Variants in AXIN2 observed in about 807,000 individuals in gnomAD.
AXIN2 encodes axin 2.
A neutral mutation model predicts 74.7 loss-of-function variants in AXIN2; 21 were observed. The observed-to-expected ratio is 0.28, with a 90% CI of 0.20 to 0.40. The LOEUF is 0.40. Among genes scored for constraint, AXIN2 ranks in the 10% least tolerant of loss-of-function variants. The pLI, the probability that AXIN2 is intolerant of heterozygous loss-of-function variation, is 1.00. For missense variants in AXIN2, 1,144 were observed against 1,111.1 expected, an observed-to-expected ratio of 1.03 and a Z score of -0.42; for synonymous variants, 532 against 454.9, an observed-to-expected ratio of 1.17 and a Z score of -2.16.
intron 2 of AXIN2, among the ~76,000 whole-genome samples, chr17:65,553,031 AAAAAACAAAAAC>A (rs148009687): frequency 3.3e-5 from 5 of 152,182 alleles, no homozygotes; most frequent in African/African-American, 1.2e-4. Context: ...TCCATCTCAA[AAAAAACAAAAAC>A]AAAAACAAAA....
rs1248662266 is a variant in AXIN2, at chr17:65,557,762, C to T, written c.815+44G>A. ...CCATCCACCATACTTAAAACATCTG[C>T]AAAGTCCACAGCATCAGCCCACCCG... On this transcript the variant is annotated intron_variant, in intron 2 of 10. Coordinates refer to ENST00000307078, the MANE Select transcript of AXIN2 (RefSeq NM_004655.4). 6.9e-6 allele frequency: 11 copies of T among 1,594,926 alleles called. No individual in the cohort carries two copies. In the Admixed American group the frequency reaches 1.3e-4, roughly 19 times the overall value.
chr17:65,558,660 T>C lies in AXIN2; in HGVS notation c.-40A>G, dbSNP rs1555583839. ...TCCCACTGAGTCTGGGAATTTTTCT[T>C]CTTCCAGTTCCTCTCAGCAATCGGC... On this transcript the variant is annotated 5_prime_UTR_variant, in exon 2 of 11. Coordinates refer to ENST00000307078, the MANE Select transcript of AXIN2 (RefSeq NM_004655.4). The C allele has an allele frequency of 1.3e-6, 2 of 1,582,066 alleles. No individual in the cohort carries two copies. The highest frequency in any genetic ancestry group is 8.6e-7 in the Non-Finnish European group (1 of 1,169,170).
At position 65,558,089 on chromosome 17, in the gene AXIN2, T is replaced by C; in HGVS notation, c.532A>G (p.Ile178Val). Residue 178 changes from isoleucine to valine, a missense_variant, in exon 2 of 11, where the codon ATC becomes GTC. By Grantham distance (29) the Ile-to-Val change is conservative. Coordinates refer to ENST00000307078, the MANE Select transcript of AXIN2 (RefSeq NM_004655.4). ...GCATTTTCCTCCATCACCGACTGGATCTCGGTCTGCGCCTGGTCAAACATG... is the reference window on the plus strand; with the variant it reads ...GCATTTTCCTCCATCACCGACTGGACCTCGGTCTGCGCCTGGTCAAACATG... ...SIMFDQAQTE[I>V]QSVMEENAYQ... 3 of 1,614,146 alleles carry C rather than the reference T, an allele frequency of 1.9e-6. No homozygotes were observed. The highest frequency in any genetic ancestry group is 1.1e-5 in the South Asian group (1 of 91,064).
At chr17:65,539,292 G>C (rs1181552897) in intron 4 of AXIN2, among the ~76,000 whole-genome samples, 1 of 152,032 alleles carries the variant, frequency 6.6e-6, no homozygotes, top group Admixed American at 6.6e-5. Flanking sequence ...ACTTGCAAAG[G>C]CTAGCATCTC....
chr17:65,541,396 T>C (rs900355539), intron 4 of AXIN2, 59 bp downstream of exon 4: 1 of 1,479,080 alleles, frequency 6.8e-7, no homozygotes. Context: ...ACCCATTTCT[T>C]TTCTTTAGGA....
In AXIN2 at chr17:65,557,902, T is replaced by C. The variant is rs746819327; in HGVS notation, c.719A>G (p.Lys240Arg). The C allele has an allele frequency of 2.8e-5, 45 of 1,614,122 alleles. No homozygotes were observed. The highest frequency in any genetic ancestry group is 1.1e-5 in the Non-Finnish European group (13 of 1,180,044). ...AACCACGGTTGGCGAAAGTTTGCAC[T>C]TGAAGTCGGCACAAGTCCACTCCTC... is the stretch of plus-strand genomic sequence containing the variant. ...EEEEWTCADFKCKLSPTVVGL... is the reference protein window; with the variant it reads ...EEEEWTCADFRCKLSPTVVGL... Residue 240 changes from lysine (K) to arginine (R), a missense_variant, in exon 2 of 11, where the codon AAG (lysine) becomes AGG (arginine). Around this residue, in one of 4 missense-constraint regions of AXIN2, gnomAD observed 1,053 missense variants for 973.5 expected, o/e 1.08. Coordinates refer to ENST00000307078, the MANE Select transcript of AXIN2 (RefSeq NM_004655.4).
Position 65,561,491 on chromosome 17 carries a change from C to A in AXIN2, c.-158G>T, listed in dbSNP as rs1362134149. ...TTCGGCGGGCGCCTCGGCCGCCGGG[C>A]GGCCCCGAAATCCATCGCTCTGAGG... On this transcript the variant is annotated 5_prime_UTR_variant, in exon 1 of 11. Transcript: ENST00000307078. The A allele has an allele frequency of 2.0e-5, 3 of 150,256 alleles. No individual in the cohort carries two copies. In the East Asian group the frequency reaches 5.8e-4, roughly 29 times the overall value. 9.3% of individuals were successfully genotyped at this position (150,256 alleles called of 1,614,324 possible). A position where few individuals can be genotyped will look rare whatever the true frequency, so the allele number is the denominator to read the frequency against.
intron 10 of AXIN2, among the ~76,000 whole-genome samples, chr17:65,531,975 G>A (rs2043827929): frequency 6.6e-6 from 1 of 150,814 alleles, no homozygotes; most frequent in Non-Finnish European, 1.5e-5. Context: ...TTGAGATGTT[G>A]AAGCACCAGC....
chr17:65,532,998 G>A (rs573976581), intron 10 of AXIN2, among the ~76,000 whole-genome samples: 1 of 152,336 alleles, frequency 6.6e-6, no homozygotes, highest in East Asian at 1.9e-4. Context: ...TGGGCTGCAG[G>A]CCATGGAGAG....
chr17:65,537,499 G>A lies in AXIN2; in HGVS notation c.1537C>T (p.His513Tyr), dbSNP rs1598098865. ...TGGTGGATGTAGTGGTGGTGGACAT[G>A]CTTCGTCGTCTGCTTGGTCACAAAG... Reference protein sequence around the residue: ...KGFVTKQTTKHVHHHYIHHHA... With the variant: ...KGFVTKQTTKYVHHHYIHHHA... Residue 513 changes from histidine to tyrosine, a missense_variant, in exon 6 of 11, where the codon CAT becomes TAT. By Grantham distance (83) the His-to-Tyr change is moderately conservative. Transcript: ENST00000307078. 6.2e-7 allele frequency: 1 copy of A among 1,613,880 alleles called. No individual in the cohort carries two copies. The highest frequency in any genetic ancestry group is 2.2e-5 in the East Asian group (1 of 44,718).
rs915165713 is a variant in AXIN2, at chr17:65,539,566, T to C, written c.1060-1223A>G. Among the ~76,000 whole-genome samples, 5 of 152,244 alleles carry C rather than the reference T, an allele frequency of 3.3e-5. No individual in the cohort carries two copies. In the East Asian group the frequency reaches 9.6e-4, roughly 29 times the overall value. ...ACAATGATAGTATGTCATCAATACT[T>C]GTTATCTGTAGAGGGAGGGGATGCT... On this transcript the variant is annotated intron_variant, in intron 4 of 10. Transcript: ENST00000307078.
In AXIN2 at chr17:65,541,510, C is replaced by T. The variant is rs1060502134; in HGVS notation, c.1004G>A (p.Arg335Lys). 1 of 1,614,078 alleles carries T rather than the reference C, an allele frequency of 6.2e-7. No individual in the cohort carries two copies. Among genetic ancestry groups the T allele is most frequent in the African/African-American group, 1.3e-5 (1 of 74,922 alleles). ...YRVGSKKQLQ[R>K]EMHRSVKANG... Reference sequence around the variant, plus strand: ...GGCCTTCACACTGCGATGCATTTCTCTCTGGAGCTGTTTCTTACTGCCCAC... The same window carrying T: ...GGCCTTCACACTGCGATGCATTTCTTTCTGGAGCTGTTTCTTACTGCCCAC... Residue 335 changes from arginine to lysine, a missense_variant, in exon 4 of 11, where the codon AGA becomes AAA. Physicochemically the swap from Arg to Lys is conservative, Grantham distance 26. Around this residue, in one of 4 missense-constraint regions of AXIN2, gnomAD observed 1,053 missense variants for 973.5 expected, o/e 1.08. Transcript: ENST00000307078.
intron 2 of AXIN2, among the ~76,000 whole-genome samples, chr17:65,550,206 G>C (rs1226720551): frequency 6.6e-6 from 1 of 152,192 alleles, no homozygotes; most frequent in African/African-American, 2.4e-5. Flanking sequence ...CCCACAGTGA[G>C]CTGGACAGAC....
At chr17:65,548,404 A>G (rs2044145632) in intron 3 of AXIN2, among the ~76,000 whole-genome samples, 1 of 152,232 alleles carries the variant, frequency 6.6e-6, no homozygotes, top group South Asian at 2.1e-4. Context: ...AAACTGGAAT[A>G]ATAGATGGTC....
At chr17:65,532,526 C>T (rs2043839901) in intron 10 of AXIN2, among the ~76,000 whole-genome samples, 1 of 152,200 alleles carries the variant, frequency 6.6e-6, no homozygotes, top group South Asian at 2.1e-4. Context: ...AGCAACACGC[C>T]CTGCTGGCCA....
chr17:65,537,124 G>A (rs1427617571), intron 6 of AXIN2, 61 bp from the exon 7 acceptor site: 1 of 1,573,818 alleles, frequency 6.4e-7, no homozygotes, highest in Non-Finnish European at 8.6e-7. Flanking sequence ...GGGACTCCTA[G>A]AATCAGACAA....
chr17:65,546,748 C>A (rs1048662613), intron 3 of AXIN2, among the ~76,000 whole-genome samples: 3 of 152,196 alleles, frequency 2.0e-5, no homozygotes, highest in Non-Finnish European at 2.9e-5. Flanking sequence ...ACCACCAGGA[C>A]GAACAGAGCC....
chr17:65,561,115 G>A (rs1164402080), intron 1 of AXIN2: 1 of 149,894 alleles, frequency 6.7e-6, no homozygotes, highest in South Asian at 2.1e-4. Flanking sequence ...TTCAACGCAG[G>A]TCCTGTTTCC....
At chr17:65,557,233 A>G (rs2144579140) in intron 2 of AXIN2, among the ~76,000 whole-genome samples, 1 of 152,314 alleles carries the variant, frequency 6.6e-6, no homozygotes, top group Admixed American at 6.5e-5. Context: ...TTCCCTAGTT[A>G]GAGGCCTTTC....
Sources: gnomAD v4.1 joint callset for allele counts (sites outside exome capture counted in the v4.1 genomes callset) on GRCh38, gnomAD v4.1.1 for gene constraint, gnomAD v4.1.1 regional missense constraint, MANE v1.5 for transcripts, NCBI Gene and HGNC (gene_info 2026-07-23, HGNC 2026-07-21) for gene names.